Variants in MEIS3 observed in about 807,000 individuals in gnomAD.
MEIS3 encodes homeobox protein Meis3.
In MEIS3, 38 loss-of-function variants were observed where a neutral mutation model predicts 51.4. The observed-to-expected ratio is 0.74, with a 90% CI of 0.57 to 0.97. MEIS3 has a LOEUF of 0.97. Ranked by LOEUF, MEIS3 falls within the 50% of genes least tolerant of loss-of-function variation. The pLI, the probability that MEIS3 is intolerant of heterozygous loss-of-function variation, is 0.00. For missense variants in MEIS3, 456 were observed against 502.6 expected (o/e 0.91, Z 0.89); for synonymous variants, 198 against 201.8 (o/e 0.98, Z 0.16).
chr19:47,408,229 C>T (rs1292056541), intron 8 of MEIS3, among the ~76,000 whole-genome samples: 2 of 151,666 alleles, frequency 1.3e-5, no homozygotes, highest in Non-Finnish European at 1.5e-5. Context: ...CTGGCTCAAG[C>T]AATCCTCCGG....
chr19:47,417,897 TGTCA>T (rs1465548007), intron 1 of MEIS3: 15 of 588,298 alleles, frequency 2.5e-5, no homozygotes, highest in Non-Finnish European at 4.5e-5. Context: ...CACACTCATG[TGTCA>T]GTCACACCCA....
chr19:47,417,604 C>T lies in MEIS3; in HGVS notation c.13-254G>A, dbSNP rs746905070. On this transcript the variant is annotated intron_variant, in intron 1 of 12. Coordinates refer to ENST00000558555, the MANE Select transcript of MEIS3 (RefSeq NM_001301059.2). The stretch of plus-strand genomic sequence containing the variant: ...GGGCAGGAGGACCCAGAGGGAGAGA[C>T]GGCAGGGTCTGGCTGGGAGGGAAAA... The T allele has an allele frequency of 4.3e-6, 3 of 703,106 alleles. No homozygotes were observed. In the South Asian group the frequency reaches 4.4e-5, roughly 10 times the overall value. The allele number at this position is 703,106 out of a possible 1,614,324, so 43.6% of individuals were successfully genotyped here. A position where few individuals can be genotyped will look rare whatever the true frequency, so the allele number is the denominator to read the frequency against.
upstream of MEIS3, among the ~76,000 whole-genome samples, chr19:47,421,411 G>A (rs559124962): frequency 3.9e-5 from 6 of 152,146 alleles, no homozygotes; most frequent in South Asian, 8.3e-4. Context: ...CCGGGGATCC[G>A]CAGTGGTCCC....
chr19:47,412,629 T>A (rs934716060), intron 6 of MEIS3, among the ~76,000 whole-genome samples: 2 of 152,200 alleles, frequency 1.3e-5, no homozygotes, highest in Non-Finnish European at 2.9e-5. Flanking sequence ...TAGCGCGATC[T>A]TGGCTCACTG....
At chr19:47,408,789 A>G (rs905749620) in intron 8 of MEIS3, among the ~76,000 whole-genome samples, 4 of 151,892 alleles carry the variant, frequency 2.6e-5, no homozygotes, top group Non-Finnish European at 1.5e-5. Flanking sequence ...CACCTGTTAA[A>G]TGGAGATAAT....
chr19:47,406,882 G>T lies in MEIS3; in HGVS notation c.1078+6C>A. On this transcript the variant is annotated splice_donor_region_variant and intron_variant, in intron 11 of 12. Coordinates refer to ENST00000558555, the MANE Select transcript of MEIS3 (RefSeq NM_001301059.2). ...GGCGGGGCCTAGCTAAGGGGGCGAGGCTTACCCGGAGGCCGGACGGCCACG... is the reference window on the plus strand; with the variant it reads ...GGCGGGGCCTAGCTAAGGGGGCGAGTCTTACCCGGAGGCCGGACGGCCACG... 1 of 1,566,110 alleles carries T rather than the reference G, an allele frequency of 6.4e-7. No homozygotes were observed.
At chr19:47,415,952 A>C (rs1971391598) in intron 4 of MEIS3, 1 of 151,556 alleles carries the variant, frequency 6.6e-6, no homozygotes, top group Non-Finnish European at 1.5e-5. Flanking sequence ...GCTGGTATGC[A>C]GTGGAGCTGA....
At chr19:47,415,877 TTTTC>T (rs200999809) in intron 4 of MEIS3, 8 of 147,428 alleles carry the variant, frequency 5.4e-5, no homozygotes, top group African/African-American at 1.3e-4. Flanking sequence ...CCGGCCCTCT[TTTTC>T]TTTCTTTCTT....
At chr19:47,415,356 G>C (rs1971356147) in intron 4 of MEIS3, among the ~76,000 whole-genome samples, 1 of 151,984 alleles carries the variant, frequency 6.6e-6, no homozygotes, top group African/African-American at 2.4e-5. Flanking sequence ...GACGAAAAAG[G>C]ACCCATCACA....
intron 12 of MEIS3, among the ~76,000 whole-genome samples, chr19:47,404,865 G>C (rs1970744269): frequency 6.6e-6 from 1 of 152,230 alleles, no homozygotes; most frequent in African/African-American, 2.4e-5. Flanking sequence ...TGTGCCCCAT[G>C]AGGGCAGGGC....
At chr19:47,413,624 G>A (rs892547207) in intron 6 of MEIS3, among the ~76,000 whole-genome samples, 6 of 152,158 alleles carry the variant, frequency 3.9e-5, no homozygotes, top group Non-Finnish European at 8.8e-5. Context: ...GATCCACACG[G>A]CTGTGCTGTG....
At chr19:47,415,564 TCTCTCTC>T (rs1314307716) in intron 4 of MEIS3, among the ~76,000 whole-genome samples, 4 of 137,164 alleles carry the variant, frequency 2.9e-5, no homozygotes, top group South Asian at 2.3e-4. Context: ...CTTTCTTCTC[TCTCTCTC>T]TCTTTTTTTT....
chr19:47,406,269 A>AGGAG, intron 12 of MEIS3, 191 bp downstream of exon 12: 1 of 520,460 alleles, frequency 1.9e-6, no homozygotes. Flanking sequence ...TACATGGAGG[A>AGGAG]GGAGGATGGA....
intron 6 of MEIS3, among the ~76,000 whole-genome samples, 172 bp from the exon 7 acceptor site, chr19:47,409,719 C>T (rs148350228): frequency 0.012 from 1,858 of 151,660 alleles, 30 homozygotes; most frequent in African/African-American, 0.042. Flanking sequence ...AAAAATTAGC[C>T]GGGTGTGGTG....
At chr19:47,413,132 C>A (rs1971219143) in intron 6 of MEIS3, among the ~76,000 whole-genome samples, 2 of 151,652 alleles carry the variant, frequency 1.3e-5, no homozygotes, top group South Asian at 4.2e-4. Flanking sequence ...TGCAGTGGCT[C>A]ATGCCTGTAA....
Position 47,419,185 on chromosome 19 carries a change from G to A in MEIS3, c.-104C>T, listed in dbSNP as rs946395632. On this transcript the variant is annotated 5_prime_UTR_variant, in exon 1 of 13. Coordinates refer to ENST00000558555, the MANE Select transcript of MEIS3 (RefSeq NM_001301059.2). ...TGACGGCCCGCGGTGTTGACGCCAG[G>A]GGGTGGGCAGGAGGCCAGGCGCGCG... is the stretch of plus-strand genomic sequence containing the variant. The A allele has an allele frequency of 1.0e-5, 9 of 857,738 alleles. No homozygotes were observed. In the East Asian group the frequency reaches 2.4e-4, roughly 23 times the overall value. The allele number at this position is 857,738 out of a possible 1,614,324, so 53.1% of individuals were successfully genotyped here.
chr19:47,417,320 C>G lies in MEIS3; in HGVS notation c.43G>C (p.Val15Leu). 1.9e-6 allele frequency: 3 copies of G among 1,613,638 alleles called. No homozygotes were observed. Among genetic ancestry groups the G allele is most frequent in the South Asian group, 2.2e-5 (2 of 90,996 alleles). ...CTAGCCAGGGCTGCGGGGCCATCCA[C>G]GATGCCTGGGTAGTGCGGCAGCTCA... ...YDELPHYPGI[V>L]DGPAALASFP... Residue 15 changes from valine (V) to leucine (L), a missense_variant, in exon 2 of 13, where the codon GTG becomes CTG. Physicochemically the swap from Val to Leu is conservative, Grantham distance 32 (BLOSUM62 1). Coordinates refer to ENST00000558555, the MANE Select transcript of MEIS3 (RefSeq NM_001301059.2).
In MEIS3 at chr19:47,406,503, A is replaced by G; in HGVS notation, c.1102T>C (p.Leu368=). 6.2e-7 allele frequency: 1 copy of G among 1,613,820 alleles called. No homozygotes were observed. The highest frequency in any genetic ancestry group is 8.5e-7 in the Non-Finnish European group (1 of 1,179,902). ...TATAGATAATGCCATTCTCCTTCCA[A>G]GTTCAAACTCATCCCCACTGATCCT... ...PPGSVGMSLN[L]EGEWHYL is the part of the protein sequence containing the mutation. Residue 368 remains leucine, a synonymous_variant, in exon 12 of 13, where the codon TTG becomes CTG. Transcript: ENST00000558555.
At chr19:47,409,398 G>T in intron 7 of MEIS3, 38 bp downstream of exon 7, 1 of 1,585,536 alleles carries the variant, frequency 6.3e-7, no homozygotes, top group South Asian at 1.1e-5. Flanking sequence ...TCCTCTGGTT[G>T]ACTCCCATGT....
Sources: allele counts gnomAD v4.1 joint callset (sites outside exome capture counted in the v4.1 genomes callset), GRCh38; gene constraint gnomAD v4.1.1; transcripts MANE v1.5; gene names NCBI Gene and HGNC (gene_info 2026-07-23, HGNC 2026-07-21).